The following GLIS1 variants were observed in gnomAD, a reference collection of about 807,000 sequenced individuals.
GLIS1 encodes GLIS family zinc finger 1.
A neutral mutation model predicts 63.8 loss-of-function variants in GLIS1; 24 were observed. The observed-to-expected ratio is 0.38, with a 90% CI of 0.27 to 0.53. GLIS1 has a LOEUF of 0.53. GLIS1 is among the 20% of genes least tolerant of loss of function. The pLI is 0.85. For synonymous variants in GLIS1, 450 were observed against 482.5 expected, an observed-to-expected ratio of 0.93 and a Z score of 0.88; for missense variants, 1,036 against 1,074.1, an observed-to-expected ratio of 0.96 and a Z score of 0.50.
At chr1:53,701,626 G>A (rs1252454440) in intron 2 of GLIS1, among the ~76,000 whole-genome samples, 3 of 152,192 alleles carry the variant, frequency 2.0e-5, no homozygotes, top group Non-Finnish European at 2.9e-5. Flanking sequence ...TGGCTGCAGG[G>A]CCCTGGCTCT....
chr1:53,509,382 G>T, intron 9 of GLIS1, 95 bp from the exon 10 acceptor site: 1 of 1,270,432 alleles, frequency 7.9e-7, no homozygotes. Flanking sequence ...CTCCCGTGTT[G>T]TCCTGTCCAG....
At chr1:53,541,211 G>A (rs1644639825) in intron 4 of GLIS1, among the ~76,000 whole-genome samples, 2 of 152,248 alleles carry the variant, frequency 1.3e-5, no homozygotes, top group Admixed American at 1.3e-4. Flanking sequence ...GACGCTCAGG[G>A]ACAGAGCCGG....
chr1:53,698,026 C>T (rs1646484127), intron 2 of GLIS1, among the ~76,000 whole-genome samples: 1 of 152,200 alleles, frequency 6.6e-6, no homozygotes, highest in Non-Finnish European at 1.5e-5. Context: ...CGTTTCCTGA[C>T]ATCTGCCCTC....
intron 2 of GLIS1, among the ~76,000 whole-genome samples, chr1:53,602,343 C>T (rs4927012): frequency 0.72 from 108,939 of 151,950 alleles, 42,603 homozygotes; most frequent in Non-Finnish European, 0.88. Flanking sequence ...TGAGGCAAAC[C>T]CTGGGACTGG....
At chr1:53,687,017 C>T (rs190601301) in intron 2 of GLIS1, among the ~76,000 whole-genome samples, 20 of 152,338 alleles carry the variant, frequency 1.3e-4, no homozygotes, top group Non-Finnish European at 1.9e-4. Context: ...AAGAGCTACT[C>T]CACTGCCAGT....
chr1:53,593,666 G>C (rs1160043907), intron 4 of GLIS1, among the ~76,000 whole-genome samples: 1 of 152,194 alleles, frequency 6.6e-6, no homozygotes, highest in Non-Finnish European at 1.5e-5. Flanking sequence ...AGCACTAGAA[G>C]GCCCAGGGAA....
At position 53,520,778 on chromosome 1, in the gene GLIS1, G is replaced by A. The variant is rs775996984; in HGVS notation, c.1594-12C>T. ...GGGCCCGCATGCAGCTGGGGAGCAA[G>A]CAGAGGGAAAGGAGGTGTTAGTGTG... On this transcript the variant is annotated splice_polypyrimidine_tract_variant and intron_variant, in intron 6 of 10. Coordinates refer to ENST00000628545, the MANE Select transcript of GLIS1 (RefSeq NM_001367484.1). The A allele has an allele frequency of 6.3e-7, 1 of 1,599,232 alleles. No individual in the cohort carries two copies. The highest frequency in any genetic ancestry group is 8.5e-7 in the Non-Finnish European group (1 of 1,172,106).
chr1:53,621,928 A>C (rs1645547409), intron 2 of GLIS1, among the ~76,000 whole-genome samples: 1 of 151,908 alleles, frequency 6.6e-6, no homozygotes, highest in African/African-American at 2.4e-5. Flanking sequence ...CTCCTGCCTC[A>C]GCTTCCCGAG....
chr1:53,509,822 C>G, intron 9 of GLIS1, 27 bp downstream of exon 9: 5 of 1,275,228 alleles, frequency 3.9e-6, no homozygotes, highest in Non-Finnish European at 5.0e-6. Context: ...GGGGGTTATA[C>G]GGAGCGGGCC....
intron 2 of GLIS1, among the ~76,000 whole-genome samples, chr1:53,736,915 G>T (rs1245975442): frequency 6.6e-6 from 1 of 151,946 alleles, no homozygotes; most frequent in Non-Finnish European, 1.5e-5. Flanking sequence ...GAATCATCTG[G>T]AATGAGAACC....
Position 53,509,858 on chromosome 1 carries a change from T to C in GLIS1, c.2053A>G (p.Ser685Gly). The stretch of plus-strand genomic sequence containing the variant: ...CCTGGCCAGAGCTTACCTTGTGGGC[T>C]GGGCAGAGGCGGGGGTGGAGGGCTC... ...FQSPPPPPLP[S>G]PQGYQGSFHS... The change falls in exon 9 of 11, where the codon AGC (serine) becomes GGC (glycine). Residue 685 changes from serine to glycine, a missense_variant. This residue lies in a region of GLIS1 where 400 missense variants were observed against 400.9 expected (regional missense o/e 1.00). Transcript: ENST00000628545. 1 of 1,305,238 alleles carries C rather than the reference T, an allele frequency of 7.7e-7. No homozygotes were observed. The highest frequency in any genetic ancestry group is 9.8e-7 in the Non-Finnish European group (1 of 1,018,114). The allele number at this position is 1,305,238 out of a possible 1,614,324, so 80.9% of individuals were successfully genotyped here.
Position 53,593,240 on chromosome 1 carries a change from C to T in GLIS1, c.1320+868G>A, listed in dbSNP as rs113251146. On this transcript the variant is annotated intron_variant, in intron 4 of 10. Transcript: ENST00000628545. ...AGCACACCCTGAGGTCCAGCTCTGC[C>T]GTTTCTGGGCAGGCACCTCTCCTAG... 9.3e-3 allele frequency among the ~76,000 whole-genome samples: 1,414 copies of T among 152,350 alleles called. 16 individuals are homozygous for T. The highest frequency in any genetic ancestry group is 0.013 in the Non-Finnish European group (864 of 68,028).
intron 2 of GLIS1, among the ~76,000 whole-genome samples, chr1:53,643,376 T>C (rs187538943): frequency 6.8e-4 from 103 of 152,330 alleles, no homozygotes; most frequent in Middle Eastern, 3.4e-3. Context: ...GTCCTCCAGG[T>C]AACCCTGCGG....
At chr1:53,718,646 C>A (rs1646723173) in intron 2 of GLIS1, among the ~76,000 whole-genome samples, 1 of 152,058 alleles carries the variant, frequency 6.6e-6, no homozygotes, top group South Asian at 2.1e-4. Flanking sequence ...CAGCCCACAC[C>A]ACTGCCACTG....
Position 53,713,677 on chromosome 1 carries a change from G to A in GLIS1, c.259+24129C>T, listed in dbSNP as rs1646669202. On this transcript the variant is annotated intron_variant, in intron 2 of 10. Transcript: ENST00000628545. Reference sequence around the variant, plus strand: ...CTCAGGAGGCTGAGGTGGAAGGATCGCTTGAGCCCAGGAAGTTGAGGCTGC... The same window carrying A: ...CTCAGGAGGCTGAGGTGGAAGGATCACTTGAGCCCAGGAAGTTGAGGCTGC... 2.0e-5 allele frequency among the ~76,000 whole-genome samples: 3 copies of A among 152,200 alleles called. No individual in the cohort carries two copies. The South Asian group carries it at 6.2e-4, about 32-fold the overall frequency.
intron 2 of GLIS1, among the ~76,000 whole-genome samples, chr1:53,683,280 G>A (rs1646296022): frequency 6.6e-6 from 1 of 152,088 alleles, no homozygotes; most frequent in Non-Finnish European, 1.5e-5. Context: ...TCAGTAACCC[G>A]CTAACGGGCA....
chr1:53,573,320 C>G (rs1645001187), intron 4 of GLIS1, among the ~76,000 whole-genome samples: 1 of 152,102 alleles, frequency 6.6e-6, no homozygotes, highest in Non-Finnish European at 1.5e-5. Context: ...CTTTCTCCCT[C>G]TAAGCTTTGA....
rs1644298281 is a variant in GLIS1, at chr1:53,511,540, C to CGGTGCTG, written c.1884-1520_1884-1514dup. On this transcript the variant is annotated intron_variant, in intron 8 of 10. Transcript: ENST00000628545. This position sits in a 1 kb window ranked among gnomAD's most constrained non-coding sequence, Gnocchi z 4.2. Reference sequence around the variant, plus strand: ...GCTGAGGACAGGGGAAGCAGGGCCTCGGTGCTGGGTCCCTGGCCCGGCCAC... The same window carrying CGGTGCTG: ...GCTGAGGACAGGGGAAGCAGGGCCTCGGTGCTGGGTGCTGGGTCCCTGGCCCGGCCAC... Among the ~76,000 whole-genome samples, 1 of 152,164 alleles carries CGGTGCTG rather than the reference C, an allele frequency of 6.6e-6. No individual in the cohort carries two copies. The highest frequency in any genetic ancestry group is 2.4e-5 in the African/African-American group (1 of 41,442).
At chr1:53,651,400 G>T (rs898924695) in intron 2 of GLIS1, among the ~76,000 whole-genome samples, 1 of 152,164 alleles carries the variant, frequency 6.6e-6, no homozygotes, top group East Asian at 1.9e-4. Flanking sequence ...AAAAACACAA[G>T]AGTAACCACA....
Sources: gnomAD v4.1 joint callset for allele counts (sites outside exome capture counted in the v4.1 genomes callset) on GRCh38, gnomAD v4.1.1 for gene constraint, gnomAD v4.1.1 regional missense constraint, Gnocchi (gnomAD v3.1) non-coding constraint, MANE v1.5 for transcripts, NCBI Gene and HGNC (gene_info 2026-07-23, HGNC 2026-07-21) for gene names.